Variants in CDH18 observed in about 807,000 individuals in gnomAD.
CDH18 encodes cadherin-18.
A neutral mutation model predicts 67.9 loss-of-function variants in CDH18; 31 were observed. The observed-to-expected ratio is 0.46, with a 90% CI of 0.34 to 0.62. CDH18 has a LOEUF of 0.62. Ranked by LOEUF, CDH18 falls within the 20% of genes least tolerant of loss-of-function variation. CDH18 has a pLI of 0.01. For missense variants in CDH18, 890 were observed against 975.5 expected, an observed-to-expected ratio of 0.91 and a Z score of 1.17; for synonymous variants, 362 against 347.2, an observed-to-expected ratio of 1.04 and a Z score of -0.48.
Position 20,054,692 on chromosome 5 carries a change from T to C in CDH18, c.-517-62678A>G, listed in dbSNP as rs181057024. Among the ~76,000 whole-genome samples the C allele has an allele frequency of 2.1e-3, 324 of 152,344 alleles. 2 individuals carry two copies. Among genetic ancestry groups the C allele is most frequent in the Non-Finnish European group, 2.4e-3 (161 of 68,026 alleles). On this transcript the variant is annotated intron_variant, in intron 2 of 14. Transcript: ENST00000507958. ...CCTTCCTAACCTACCTCTGATCCTG[T>C]GGATCTTCTCAGGTATAACATTTAC...
intron 6 of CDH18, among the ~76,000 whole-genome samples, chr5:19,603,748 T>C (rs1747560223): frequency 6.6e-6 from 1 of 150,568 alleles, no homozygotes; most frequent in Non-Finnish European, 1.5e-5. Context: ...TTCTGAGATA[T>C]GAGGTAGGGC....
intron 1 of CDH18, among the ~76,000 whole-genome samples, chr5:20,543,154 C>T (rs537330983): frequency 2.7e-4 from 41 of 152,066 alleles, no homozygotes; most frequent in Admixed American, 7.9e-4. Flanking sequence ...TAACAATTTA[C>T]ATATCAAGTT....
intron 8 of CDH18, among the ~76,000 whole-genome samples, chr5:19,571,343 G>GA (rs1361137405): frequency 6.6e-6 from 1 of 151,996 alleles, no homozygotes; most frequent in African/African-American, 2.4e-5. Context: ...TAAGTCAAAT[G>GA]AAAAAATTAA....
intron 1 of CDH18, among the ~76,000 whole-genome samples, chr5:20,515,261 G>T (rs1278959056): frequency 1.3e-5 from 2 of 150,466 alleles, no homozygotes. Flanking sequence ...CAGTGGCAGA[G>T]TGTCCAATAG....
At chr5:20,569,514 G>A (rs1454256521) in intron 1 of CDH18, among the ~76,000 whole-genome samples, 1 of 152,112 alleles carries the variant, frequency 6.6e-6, no homozygotes, top group East Asian at 1.9e-4. Context: ...GGGAGGCTGA[G>A]GCAGGAGAAT....
chr5:19,969,692 T>G (rs1272685935), intron 2 of CDH18, among the ~76,000 whole-genome samples: 3 of 124,174 alleles, frequency 2.4e-5, no homozygotes, highest in Admixed American at 8.7e-5. Flanking sequence ...TGGGGACTGT[T>G]GTGTGGTGGG....
At chr5:19,665,737 G>A (rs762816879) in intron 5 of CDH18, among the ~76,000 whole-genome samples, 18 of 152,046 alleles carry the variant, frequency 1.2e-4, no homozygotes, top group Non-Finnish European at 1.9e-4. Flanking sequence ...TTGGGTAAGA[G>A]AAGTGTGAGG....
chr5:20,254,886 G>T (rs536646265), intron 2 of CDH18, among the ~76,000 whole-genome samples: 116 of 135,782 alleles, frequency 8.5e-4, no homozygotes, highest in African/African-American at 2.8e-3. Context: ...ATGAAAGATC[G>T]GATAAAAAAA....
chr5:20,308,327 G>A (rs921709444), intron 1 of CDH18, among the ~76,000 whole-genome samples: 12 of 152,000 alleles, frequency 7.9e-5, no homozygotes, highest in African/African-American at 2.9e-4. Context: ...TAGATTGCCT[G>A]AGCTCAGGAG....
At chr5:20,342,912 C>A (rs1034124860) in intron 1 of CDH18, among the ~76,000 whole-genome samples, 1 of 152,102 alleles carries the variant, frequency 6.6e-6, no homozygotes, top group African/African-American at 2.4e-5. Context: ...CACTTTAGAC[C>A]TACTCATCCC....
intron 5 of CDH18, among the ~76,000 whole-genome samples, chr5:19,627,121 T>C (rs1751675001): frequency 6.6e-6 from 1 of 152,188 alleles, no homozygotes; most frequent in South Asian, 2.1e-4. Context: ...GTCACCTTGG[T>C]AACTTGAAAA....
chr5:19,892,436 C>T (rs4354044), intron 2 of CDH18, among the ~76,000 whole-genome samples: 74,019 of 151,692 alleles, frequency 0.49, 18,233 homozygotes, highest in Middle Eastern at 0.65. Flanking sequence ...AATGTTATTA[C>T]CCTCATAATC....
At chr5:20,192,201 T>C (rs1450052602) in intron 2 of CDH18, among the ~76,000 whole-genome samples, 8 of 142,804 alleles carry the variant, frequency 5.6e-5, no homozygotes, top group African/African-American at 1.9e-4. Context: ...CTTTTCGACG[T>C]TTTTTTTTTT....
chr5:19,550,464 C>G (rs1737212531), intron 8 of CDH18, among the ~76,000 whole-genome samples: 1 of 151,000 alleles, frequency 6.6e-6, no homozygotes, highest in South Asian at 2.1e-4. Context: ...CTTCCTGTGT[C>G]CATGTGTTCT....
intron 2 of CDH18, among the ~76,000 whole-genome samples, chr5:20,004,896 C>A (rs929765319): frequency 2.0e-5 from 3 of 150,780 alleles, no homozygotes; most frequent in Non-Finnish European, 3.0e-5. Flanking sequence ...AATTTGAAGA[C>A]CCAATAAAAT....
At chr5:20,311,041 C>T (rs901912105) in intron 1 of CDH18, among the ~76,000 whole-genome samples, 2 of 152,038 alleles carry the variant, frequency 1.3e-5, no homozygotes, top group Non-Finnish European at 2.9e-5. Flanking sequence ...TTATTAAATT[C>T]ACCAGACATT....
Position 20,419,462 on chromosome 5 carries a change from G to GTTTTTTTTTTT in CDH18, c.-580+155989_-580+155999dup, listed in dbSNP as rs202130030. On this transcript the variant is annotated intron_variant, in intron 1 of 14. Coordinates refer to the CDH18 transcript ENST00000507958. Reference sequence around the variant, plus strand: ...CCAACCACCCAGGGTATGGGACTCTGTTTTTTTTTTTTTTTTTTTTTTTTT... The same window carrying GTTTTTTTTTTT: ...CCAACCACCCAGGGTATGGGACTCTGTTTTTTTTTTTTTTTTTTTTTTTTTTTTTTTTTTTT... Among the ~76,000 whole-genome samples, 36 of 75,652 alleles carry GTTTTTTTTTTT rather than the reference G, an allele frequency of 4.8e-4. 4 individuals carry two copies. Among genetic ancestry groups the GTTTTTTTTTTT allele is most frequent in the African/African-American group, 9.1e-4 (15 of 16,470 alleles). The allele number at this position is 75,652 out of a possible 152,430, so 49.6% of individuals were successfully genotyped here. A position where few individuals can be genotyped will look rare whatever the true frequency, so the allele number is the denominator to read the frequency against.
chr5:20,500,429 A>G (rs1005391799), intron 1 of CDH18, among the ~76,000 whole-genome samples: 12 of 152,132 alleles, frequency 7.9e-5, no homozygotes, highest in African/African-American at 2.9e-4. Flanking sequence ...ATATCCCTGG[A>G]CTATAACACT....
intron 2 of CDH18, among the ~76,000 whole-genome samples, chr5:20,024,135 C>T (rs1203629269): frequency 6.6e-6 from 1 of 152,176 alleles, no homozygotes; most frequent in Non-Finnish European, 1.5e-5. Flanking sequence ...CTGTTATTTA[C>T]TTGTCAAAAT....
Sources: allele counts gnomAD v4.1 joint callset (sites outside exome capture counted in the v4.1 genomes callset), GRCh38; gene constraint gnomAD v4.1.1; transcripts MANE v1.5; gene names NCBI Gene and HGNC (gene_info 2026-07-23, HGNC 2026-07-21).